CSMD3: variants seen among roughly 807,000 people sequenced by gnomAD.
CSMD3 encodes the protein CUB and sushi domain-containing protein 3.
A neutral mutation model predicts 435.2 loss-of-function variants in CSMD3; 177 were observed. The observed-to-expected ratio is 0.41, with a 90% CI of 0.36 to 0.46. The LOEUF (loss-of-function observed/expected upper bound fraction) is 0.46. Among genes scored for constraint, CSMD3 ranks in the 20% least tolerant of loss-of-function variants. The probability of loss-of-function intolerance (pLI) is 0.34; values close to 1 mark genes in which losing one functional copy is unlikely to be tolerated. For missense variants in CSMD3, 4,265 were observed against 4,504.6 expected (o/e 0.95, Z 1.52); for synonymous variants, 1,656 against 1,520.5 (o/e 1.09, Z -2.07).
chr8:112,733,116 T>C (rs1298415682), intron 13 of CSMD3, among the ~76,000 whole-genome samples: 1 of 152,134 alleles, frequency 6.6e-6, no homozygotes, highest in Non-Finnish European at 1.5e-5. Context: ...ACCTCCCTAT[T>C]ATGAAATATT....
chr8:113,347,413 A>T (rs2094159499), intron 1 of CSMD3, among the ~76,000 whole-genome samples: 1 of 152,148 alleles, frequency 6.6e-6, no homozygotes, highest in South Asian at 2.1e-4. Context: ...AATACATTGA[A>T]AGGCGTGTAA....
intron 10 of CSMD3, among the ~76,000 whole-genome samples, chr8:112,887,126 A>G (rs1175914168): frequency 6.6e-6 from 1 of 151,460 alleles, no homozygotes; most frequent in Non-Finnish European, 1.5e-5. Flanking sequence ...TTGAGATCAA[A>G]TTAATTTATA....
At chr8:112,978,219 A>T (rs1367412086) in intron 6 of CSMD3, among the ~76,000 whole-genome samples, 1 of 152,082 alleles carries the variant, frequency 6.6e-6, no homozygotes, top group African/African-American at 2.4e-5. Flanking sequence ...TAAATTTATG[A>T]GAAATAATGG....
chr8:113,389,913 T>C (rs1042996664), intron 1 of CSMD3, among the ~76,000 whole-genome samples: 6 of 151,798 alleles, frequency 4.0e-5, no homozygotes, highest in Admixed American at 3.3e-4. Context: ...CTATATAGCA[T>C]TTAGCATAGT....
chr8:112,344,767 T>C (rs1043864818), intron 41 of CSMD3, among the ~76,000 whole-genome samples: 1 of 152,120 alleles, frequency 6.6e-6, no homozygotes, highest in Non-Finnish European at 1.5e-5. Context: ...ATATGATATA[T>C]TATGTAATGT....
intron 13 of CSMD3, among the ~76,000 whole-genome samples, chr8:112,716,061 G>A (rs2131944245): frequency 6.6e-6 from 1 of 152,270 alleles, no homozygotes; most frequent in East Asian, 1.9e-4. Context: ...CATAGTATTG[G>A]AAGATTTGTC....
chr8:112,319,023 T>C (rs1586756169), intron 46 of CSMD3, 73 bp from the exon 47 acceptor site: 2 of 870,066 alleles, frequency 2.3e-6, no homozygotes, highest in East Asian at 5.0e-5. Flanking sequence ...ATTTCAATTG[T>C]AGGAGAATAT....
chr8:113,189,907 G>T (rs146123537), intron 3 of CSMD3, among the ~76,000 whole-genome samples: 78 of 151,860 alleles, frequency 5.1e-4, no homozygotes, highest in Admixed American at 9.2e-4. Context: ...TTATTGAAAT[G>T]TAAAGAATTC....
At chr8:112,294,435 A>G (rs1047980961) in intron 54 of CSMD3, among the ~76,000 whole-genome samples, 1 of 152,134 alleles carries the variant, frequency 6.6e-6, no homozygotes, top group Admixed American at 6.6e-5. Flanking sequence ...AATGTCCGTT[A>G]TCTGGAGATG....
At chr8:112,827,385 A>G (rs1021784328) in intron 12 of CSMD3, among the ~76,000 whole-genome samples, 1 of 151,552 alleles carries the variant, frequency 6.6e-6, no homozygotes, top group Non-Finnish European at 1.5e-5. Context: ...AGATACATGA[A>G]TGAAAGCTTC....
intron 4 of CSMD3, among the ~76,000 whole-genome samples, chr8:113,118,006 G>A (rs1199925836): frequency 6.6e-6 from 1 of 152,134 alleles, no homozygotes; most frequent in Non-Finnish European, 1.5e-5. Flanking sequence ...CCTTGGAATC[G>A]GACTTTTTGG....
chr8:112,903,836 G>A lies in CSMD3; in HGVS notation c.1633+17791C>T, dbSNP rs979550697. Among the ~76,000 whole-genome samples, 10 of 151,186 alleles carry A rather than the reference G, an allele frequency of 6.6e-5. No individual in the cohort carries two copies. The East Asian group carries it at 7.9e-4, about 12-fold the overall frequency. On this transcript the variant is annotated intron_variant, in intron 10 of 70. Transcript: ENST00000297405. ...TAGATATTTTTTCTACCTTTATTCC[G>A]AAAGCTGTCACTCTGTCATTCCACG...
chr8:112,813,580 G>A (rs1237290486), intron 12 of CSMD3, among the ~76,000 whole-genome samples: 4 of 152,050 alleles, frequency 2.6e-5, no homozygotes, highest in African/African-American at 9.7e-5. Context: ...AAGGATACAG[G>A]GAAACTTACA....
chr8:112,363,628 A>C (rs1827473947), intron 38 of CSMD3, among the ~76,000 whole-genome samples: 1 of 151,982 alleles, frequency 6.6e-6, no homozygotes, highest in South Asian at 2.1e-4. Context: ...AATGTTTACA[A>C]AATTCAGAAA....
intron 1 of CSMD3, among the ~76,000 whole-genome samples, chr8:113,355,353 A>ATG (rs2094215343): frequency 6.6e-6 from 1 of 151,988 alleles, no homozygotes; most frequent in Non-Finnish European, 1.5e-5. Flanking sequence ...ATACCATGGA[A>ATG]TGTGTGTCTT....
intron 13 of CSMD3, among the ~76,000 whole-genome samples, chr8:112,767,610 C>T (rs2078011817): frequency 6.6e-6 from 1 of 151,736 alleles, no homozygotes; most frequent in South Asian, 2.1e-4. Flanking sequence ...AAGCAAAGCA[C>T]TAGACTCATA....
intron 9 of CSMD3, among the ~76,000 whole-genome samples, chr8:112,927,640 T>G (rs2082951911): frequency 6.6e-6 from 1 of 152,160 alleles, no homozygotes; most frequent in Non-Finnish European, 1.5e-5. Flanking sequence ...TAAGTTACAT[T>G]GATAAGCTTT....
chr8:112,587,383 T>C (rs7463638), intron 22 of CSMD3, 148 bp from the exon 23 acceptor site: 327,672 of 607,400 alleles, frequency 0.54, 90,144 homozygotes, highest in African/African-American at 0.63. Context: ...TTGTAAATGA[T>C]TAATTCCCTC....
chr8:112,386,979 G>A lies in CSMD3; in HGVS notation c.5935-3316C>T, dbSNP rs370704775. ...TTTACTTTAGATTATATAAAATCAC[G>A]ATAATCATGCTGTAAATTGATACAA... On this transcript the variant is annotated intron_variant, in intron 36 of 70. Transcript: ENST00000297405. 6.8e-4 allele frequency among the ~76,000 whole-genome samples: 103 copies of A among 152,188 alleles called. 3 individuals are homozygous for A. In the South Asian group the frequency reaches 0.02, roughly 29 times the overall value.
Sources: allele counts gnomAD v4.1 joint callset (sites outside exome capture counted in the v4.1 genomes callset), GRCh38; gene constraint gnomAD v4.1.1; transcripts MANE v1.5; gene names NCBI Gene and HGNC (gene_info 2026-07-23, HGNC 2026-07-21).